Variants in POU2F1 observed in about 807,000 individuals in gnomAD.
POU2F1 encodes the protein POU domain, class 2, transcription factor 1.
Under a neutral mutation model 84.9 loss-of-function variants are expected in POU2F1, and 16 were observed. That is an observed-to-expected ratio of 0.19 (90% CI 0.13 to 0.29). The LOEUF (loss-of-function observed/expected upper bound fraction) is 0.29. Among genes scored for constraint, POU2F1 ranks in the 10% least tolerant of loss-of-function variants. The pLI is 1.00. For missense variants in POU2F1, 738 were observed against 942.6 expected (o/e 0.78, Z 2.84); for synonymous variants, 368 against 368.3 (o/e 1.00, Z 0.01).
chr1:167,348,101 ACAT>A (rs1417376604), intron 2 of POU2F1, among the ~76,000 whole-genome samples: 1 of 152,226 alleles, frequency 6.6e-6, no homozygotes, highest in Non-Finnish European at 1.5e-5. Context: ...CATTGTATGA[ACAT>A]CATAGAGTAT....
At chr1:167,252,373 TGAA>T (rs1650795812) in intron 1 of POU2F1, among the ~76,000 whole-genome samples, 2 of 152,194 alleles carry the variant, frequency 1.3e-5, no homozygotes, top group Admixed American at 1.3e-4. Flanking sequence ...AGGTTTCATG[TGAA>T]GAAGGAGAAG....
intron 1 of POU2F1, among the ~76,000 whole-genome samples, chr1:167,320,348 A>T (rs536427877): frequency 3.9e-5 from 6 of 152,196 alleles, no homozygotes; most frequent in Non-Finnish European, 8.8e-5. Context: ...TACTAGACCC[A>T]TCTGTGAAGA....
chr1:167,278,812 G>GAATTTAATAAAATTGTATTA (rs1553201515), intron 1 of POU2F1, among the ~76,000 whole-genome samples: 11 of 150,678 alleles, frequency 7.3e-5, no homozygotes, highest in Non-Finnish European at 1.3e-4. Flanking sequence ...TATTTTAATA[G>GAATTTAATAAAATTGTATTA]AATTTAATAA....
At chr1:167,270,745 T>C (rs1652311450) in intron 1 of POU2F1, among the ~76,000 whole-genome samples, 1 of 152,240 alleles carries the variant, frequency 6.6e-6, no homozygotes, top group Non-Finnish European at 1.5e-5. Flanking sequence ...ATCCTGAATT[T>C]ACTGGGAACA....
intron 1 of POU2F1, among the ~76,000 whole-genome samples, chr1:167,228,718 C>T (rs1648828710): frequency 6.6e-6 from 1 of 152,242 alleles, no homozygotes; most frequent in East Asian, 1.9e-4. Context: ...ATTTTTTGTC[C>T]ATGCATTTGT....
chr1:167,350,114 A>G (rs1360203962), intron 2 of POU2F1, among the ~76,000 whole-genome samples: 1 of 152,206 alleles, frequency 6.6e-6, no homozygotes, highest in East Asian at 1.9e-4. Context: ...CATACACATC[A>G]AGTTAGATTA....
chr1:167,246,578 A>G (rs548193620), intron 1 of POU2F1, among the ~76,000 whole-genome samples: 2 of 152,352 alleles, frequency 1.3e-5, no homozygotes, highest in African/African-American at 4.8e-5. Context: ...ACACTGAGAA[A>G]CATTTAAAAT....
At chr1:167,391,978 GT>G in intron 9 of POU2F1, among the ~76,000 whole-genome samples, 1 of 152,300 alleles carries the variant, frequency 6.6e-6, no homozygotes, top group East Asian at 1.9e-4. Context: ...TTTGTGAGGA[GT>G]TTGACTTGTG....
In POU2F1 at chr1:167,232,617, C is replaced by T. The variant is rs537274060; in HGVS notation, c.61+11659C>T. On this transcript the variant is annotated intron_variant, in intron 1 of 15. Transcript: ENST00000367866. ...CAGCACTTTGGGAAGCCGAGGTGGG[C>T]AGATCACCTGAGGTCAGGAGTTCGA... Among the ~76,000 whole-genome samples, 36 of 152,190 alleles carry T rather than the reference C, an allele frequency of 2.4e-4. No homozygotes were observed. The South Asian group carries it at 7.5e-3, about 32-fold the overall frequency.
At chr1:167,257,843 T>C (rs560681715) in intron 1 of POU2F1, 50 of 151,886 alleles carry the variant, frequency 3.3e-4, no homozygotes, top group African/African-American at 1.2e-3. Context: ...GGTGTAATTA[T>C]GGCTCAGTTC....
intron 1 of POU2F1, among the ~76,000 whole-genome samples, chr1:167,298,439 T>A (rs1654435721): frequency 6.6e-6 from 1 of 152,114 alleles, no homozygotes; most frequent in Admixed American, 6.5e-5. Flanking sequence ...GAAAACAAGT[T>A]AAATGTAAAT....
intron 2 of POU2F1, among the ~76,000 whole-genome samples, chr1:167,343,055 A>G (rs1352379977): frequency 1.3e-5 from 2 of 152,148 alleles, no homozygotes; most frequent in Non-Finnish European, 2.9e-5. Flanking sequence ...GATGTCAGTT[A>G]CAGGATATGG....
intron 7 of POU2F1, among the ~76,000 whole-genome samples, chr1:167,377,873 A>T (rs1660433741): frequency 6.6e-6 from 1 of 152,002 alleles, no homozygotes; most frequent in Non-Finnish European, 1.5e-5. Context: ...CTTTGTGTAC[A>T]TATGTACTGA....
At chr1:167,397,273 C>T (rs992147406) in intron 10 of POU2F1, among the ~76,000 whole-genome samples, 2 of 152,066 alleles carry the variant, frequency 1.3e-5, no homozygotes, top group Non-Finnish European at 2.9e-5. Context: ...TCTTTTTACC[C>T]TAGATTATAC....
chr1:167,389,793 T>G, intron 9 of POU2F1, 32 bp downstream of exon 9: 4 of 1,596,966 alleles, frequency 2.5e-6, no homozygotes, highest in Non-Finnish European at 3.4e-6. Context: ...TTGATTCCCC[T>G]CCTTGGCTGG....
intron 1 of POU2F1, among the ~76,000 whole-genome samples, chr1:167,247,038 A>ATATGTG (rs1232636320): frequency 2.7e-5 from 2 of 74,944 alleles, no homozygotes; most frequent in African/African-American, 7.7e-5. Flanking sequence ...TTATATATAT[A>ATATGTG]TGTGTGTGTG....
At chr1:167,285,396 A>C (rs543989320) in intron 1 of POU2F1, among the ~76,000 whole-genome samples, 26 of 152,266 alleles carry the variant, frequency 1.7e-4, no homozygotes, top group African/African-American at 4.8e-4. Context: ...CGAGGTCAGG[A>C]GATCGAGACC....
intron 15 of POU2F1, among the ~76,000 whole-genome samples, chr1:167,415,237 C>G (rs1049589185): frequency 6.6e-6 from 1 of 152,200 alleles, no homozygotes; most frequent in Non-Finnish European, 1.5e-5. Flanking sequence ...GACTCTAATT[C>G]ATTAGACAGT....
intron 7 of POU2F1, among the ~76,000 whole-genome samples, chr1:167,377,823 C>T (rs1400410237): frequency 1.3e-5 from 2 of 152,078 alleles, no homozygotes; most frequent in Non-Finnish European, 2.9e-5. Context: ...CTCCTCCCAC[C>T]CTCTACCCTC....
Sources: allele counts gnomAD v4.1 joint callset (sites outside exome capture counted in the v4.1 genomes callset), GRCh38; gene constraint gnomAD v4.1.1; transcripts MANE v1.5; gene names NCBI Gene and HGNC (gene_info 2026-07-23, HGNC 2026-07-21).